Variants in ALK observed in about 807,000 individuals in gnomAD.
ALK encodes ALK receptor tyrosine kinase.
In ALK, 74 loss-of-function variants were observed where a neutral mutation model predicts 163.1. The observed-to-expected ratio is 0.45, with a 90% CI of 0.38 to 0.55. ALK has a LOEUF of 0.55. Among genes scored for constraint, ALK ranks in the 20% least tolerant of loss-of-function variants. ALK has a pLI of 0.00. For synonymous variants in ALK, 960 were observed against 843.2 expected (o/e 1.14, Z -2.40); for missense variants, 2,063 against 2,105.3 (o/e 0.98, Z 0.39).
At chr2:29,633,918 C>T (rs1676451201) in intron 3 of ALK, among the ~76,000 whole-genome samples, 1 of 152,052 alleles carries the variant, frequency 6.6e-6, no homozygotes, top group Non-Finnish European at 1.5e-5. Flanking sequence ...ATAAATTTGC[C>T]ATTAAAAACT....
intron 3 of ALK, among the ~76,000 whole-genome samples, chr2:29,593,992 A>G (rs372050404): frequency 1.3e-5 from 2 of 152,296 alleles, no homozygotes; most frequent in Admixed American, 6.5e-5. Context: ...TCCATGGGAC[A>G]TTTGGCAATA....
intron 3 of ALK, among the ~76,000 whole-genome samples, chr2:29,585,806 T>G (rs938552394): frequency 3.2e-4 from 49 of 152,110 alleles, no homozygotes; most frequent in African/African-American, 1.0e-3. Context: ...TTTTCTATTA[T>G]AAATAATGTT....
At position 29,844,318 on chromosome 2, in the gene ALK, G is replaced by C. The variant is rs535228633; in HGVS notation, c.667+75675C>G. ...CAGATGGGGGCAGAGAGAATGAGCA[G>C]TGCCCCCCGGGGCCAGTGGGGAGCA... On this transcript the variant is annotated intron_variant, in intron 1 of 28. Transcript: ENST00000389048. Among the ~76,000 whole-genome samples the C allele has an allele frequency of 3.9e-5, 6 of 152,304 alleles. No homozygotes were observed. In the South Asian group the frequency reaches 6.2e-4, roughly 16 times the overall value.
intron 4 of ALK, among the ~76,000 whole-genome samples, chr2:29,484,014 T>G (rs905695508): frequency 6.6e-6 from 1 of 152,150 alleles, no homozygotes; most frequent in Non-Finnish European, 1.5e-5. Flanking sequence ...AAAGAGAGCA[T>G]GTGCAGGGGG....
intron 1 of ALK, among the ~76,000 whole-genome samples, chr2:29,866,202 A>C (rs1666431295): frequency 6.6e-6 from 1 of 152,160 alleles, no homozygotes; most frequent in African/African-American, 2.4e-5. Flanking sequence ...CCTGACTCTC[A>C]GTAGGTGAAA....
At chr2:29,698,195 G>A (rs1678628830) in intron 2 of ALK, among the ~76,000 whole-genome samples, 1 of 152,166 alleles carries the variant, frequency 6.6e-6, no homozygotes, top group South Asian at 2.1e-4. Context: ...TGGTGTCCAG[G>A]AACCACAGGC....
chr2:29,527,704 G>A (rs1440309294), intron 4 of ALK, among the ~76,000 whole-genome samples: 3 of 151,948 alleles, frequency 2.0e-5, no homozygotes, highest in Non-Finnish European at 4.4e-5. Context: ...GTAGAGGTTG[G>A]GGGTCTCGCT....
rs542078736 is a variant in ALK, at chr2:29,876,897, C to G, written c.667+43096G>C. On this transcript the variant is annotated intron_variant, in intron 1 of 28. Transcript: ENST00000389048. ...TTGTAGATCCCACCTTTGCATTGAACCAGCTCTCAGGCCCTGTCCCACCAG... is the reference window on the plus strand; with the variant it reads ...TTGTAGATCCCACCTTTGCATTGAAGCAGCTCTCAGGCCCTGTCCCACCAG... Among the ~76,000 whole-genome samples, 7 of 152,314 alleles carry G rather than the reference C, an allele frequency of 4.6e-5. No homozygotes were observed. In the South Asian group the frequency reaches 1.2e-3, roughly 27 times the overall value.
chr2:29,718,289 A>G (rs1449897317), intron 1 of ALK, among the ~76,000 whole-genome samples: 2 of 152,220 alleles, frequency 1.3e-5, no homozygotes, highest in Non-Finnish European at 2.9e-5. Context: ...GCATGAGAGA[A>G]AGAAGGCTTG....
At chr2:29,597,893 A>T (rs1573488209) in intron 3 of ALK, among the ~76,000 whole-genome samples, 1 of 152,120 alleles carries the variant, frequency 6.6e-6, no homozygotes, top group Admixed American at 6.5e-5. Context: ...GGAGCAGAGC[A>T]CCCATGTGCC....
At chr2:29,318,523 G>A (rs1031837400) in intron 7 of ALK, 119 bp from the exon 8 acceptor site, 1 of 754,586 alleles carries the variant, frequency 1.3e-6, no homozygotes, top group African/African-American at 1.7e-5. Flanking sequence ...TGAGGAAACA[G>A]GTTTCTGGCC....
At chr2:29,359,049 TACA>T (rs1472668687) in intron 5 of ALK, among the ~76,000 whole-genome samples, 2 of 152,040 alleles carry the variant, frequency 1.3e-5, no homozygotes, top group African/African-American at 2.4e-5. Flanking sequence ...TGTTGTGCAT[TACA>T]ACAATTGTTA....
chr2:29,828,015 C>T (rs1163028238), intron 1 of ALK, among the ~76,000 whole-genome samples: 1 of 152,108 alleles, frequency 6.6e-6, no homozygotes, highest in Non-Finnish European at 1.5e-5. Flanking sequence ...TAATACCACG[C>T]ATCTACAACT....
At chr2:29,667,945 T>C (rs910319684) in intron 3 of ALK, among the ~76,000 whole-genome samples, 17 of 152,240 alleles carry the variant, frequency 1.1e-4, no homozygotes, top group African/African-American at 4.1e-4. Flanking sequence ...AGAGTTTTTG[T>C]TGTTGCTTCA....
intron 4 of ALK, 145 bp from the exon 5 acceptor site, chr2:29,384,004 C>A: frequency 1.0e-6 from 1 of 976,262 alleles, no homozygotes. Context: ...CGAAGTGGCA[C>A]TGAGGACAGT....
At chr2:29,730,273 T>C (rs1166828464) in intron 1 of ALK, among the ~76,000 whole-genome samples, 3 of 152,134 alleles carry the variant, frequency 2.0e-5, no homozygotes, top group South Asian at 2.1e-4. Context: ...TCAGCACAAG[T>C]AGACAGAGGG....
At chr2:29,881,368 T>C (rs1315843464) in intron 1 of ALK, among the ~76,000 whole-genome samples, 5 of 152,236 alleles carry the variant, frequency 3.3e-5, no homozygotes, top group Admixed American at 3.3e-4. Context: ...TCATTAATTA[T>C]GATCTTCCCT....
rs61197696 is a variant in ALK, at chr2:29,743,543, C to T, written c.668-25846G>A. Among the ~76,000 whole-genome samples, 512 of 152,354 alleles carry T rather than the reference C, an allele frequency of 3.4e-3. 4 individuals carry two copies. The highest frequency in any genetic ancestry group is 0.012 in the African/African-American group (487 of 41,584). ...ACAGCCCGGATCACTTTCCTTTTGTCATTAGTGAGCCCCTGAGGACGGATT... is the reference window on the plus strand; with the variant it reads ...ACAGCCCGGATCACTTTCCTTTTGTTATTAGTGAGCCCCTGAGGACGGATT... On this transcript the variant is annotated intron_variant, in intron 1 of 28. Transcript: ENST00000389048.
intron 1 of ALK, among the ~76,000 whole-genome samples, chr2:29,775,051 A>G (rs1452216143): frequency 4.6e-5 from 7 of 152,224 alleles, no homozygotes; most frequent in Admixed American, 3.3e-4. Context: ...AAAGATGGAG[A>G]CAAGAAATCC....
Sources: gnomAD v4.1 joint callset for allele counts (sites outside exome capture counted in the v4.1 genomes callset) on GRCh38, gnomAD v4.1.1 for gene constraint, MANE v1.5 for transcripts, NCBI Gene and HGNC (gene_info 2026-07-23, HGNC 2026-07-21) for gene names.